The following RAD17 variants were observed in gnomAD, a reference collection of about 807,000 sequenced individuals.
RAD17 encodes the protein RAD17 checkpoint clamp loader component.
Under a neutral mutation model 81.5 loss-of-function variants are expected in RAD17, and 31 were observed. The observed-to-expected ratio is 0.38, with a 90% CI of 0.29 to 0.51. RAD17 has a LOEUF of 0.51. RAD17 is among the 20% of genes least tolerant of loss of function. The probability of loss-of-function intolerance (pLI) is 0.88; values close to 1 mark genes in which losing one functional copy is unlikely to be tolerated. For synonymous variants in RAD17, 261 were observed against 266.2 expected, an observed-to-expected ratio of 0.98 and a Z score of 0.19; for missense variants, 681 against 781.2, an observed-to-expected ratio of 0.87 and a Z score of 1.53.
At chr5:69,373,716 TA>T (rs35063361) in intron 4 of RAD17, 113 bp from the exon 5 acceptor site, 28 of 165,114 alleles carry the variant, frequency 1.7e-4, no homozygotes, top group South Asian at 6.3e-4. Context: ...TTTTTTTTTT[TA>T]AGTTTTAAAG....
chr5:69,372,634 CAG>C (rs1472258000), intron 4 of RAD17, among the ~76,000 whole-genome samples: 1 of 151,466 alleles, frequency 6.6e-6, no homozygotes, highest in African/African-American at 2.4e-5. Flanking sequence ...TTTTTTGAGA[CAG>C]GGTCTCACTC....
At chr5:69,407,711 G>T (rs1216518515) in intron 17 of RAD17, among the ~76,000 whole-genome samples, 1 of 151,846 alleles carries the variant, frequency 6.6e-6, no homozygotes, top group Non-Finnish European at 1.5e-5. Context: ...TGAGTAGCTG[G>T]GAATACAGGC....
At chr5:69,377,471 A>ATG (rs1763444724) in intron 6 of RAD17, among the ~76,000 whole-genome samples, 22 of 5,698 alleles carry the variant, frequency 3.9e-3, no homozygotes, top group Admixed American at 7.6e-3. Flanking sequence ...ATATATATAT[A>ATG]TATACACACA....
At chr5:69,404,182 C>A (rs750348407) in intron 17 of RAD17, among the ~76,000 whole-genome samples, 4 of 152,068 alleles carry the variant, frequency 2.6e-5, no homozygotes, top group South Asian at 2.1e-4. Context: ...CATCTCTAAG[C>A]TGTTCATATC....
chr5:69,386,361 A>C, intron 10 of RAD17, 35 bp from the exon 11 acceptor site: 1 of 1,580,304 alleles, frequency 6.3e-7, no homozygotes, highest in Non-Finnish European at 8.6e-7. Flanking sequence ...TTTTAAATTA[A>C]TCATTTAACT....
At chr5:69,407,872 C>G (rs1765728528) in intron 17 of RAD17, among the ~76,000 whole-genome samples, 1 of 152,172 alleles carries the variant, frequency 6.6e-6, no homozygotes. Flanking sequence ...TTTGATGATA[C>G]TTCTGGTTCA....
intron 6 of RAD17, among the ~76,000 whole-genome samples, chr5:69,376,762 C>CTTT (rs78888225): frequency 6.7e-6 from 1 of 148,746 alleles, no homozygotes; most frequent in Non-Finnish European, 1.5e-5. Flanking sequence ...ATCCTTCTCT[C>CTTT]TTTTTTTTTT....
At chr5:69,412,786 C>T (rs934049799) in intron 18 of RAD17, among the ~76,000 whole-genome samples, 3 of 151,846 alleles carry the variant, frequency 2.0e-5, no homozygotes, top group African/African-American at 4.8e-5. Flanking sequence ...GTCAGGAGTT[C>T]GAGACCAGCC....
chr5:69,373,708 T>TAG, intron 4 of RAD17, 122 bp from the exon 5 acceptor site: 1 of 555,452 alleles, frequency 1.8e-6, no homozygotes, highest in Non-Finnish European at 2.6e-6. Flanking sequence ...TTTTTTTTTT[T>TAG]TTTTTTTTAA....
upstream of RAD17, chr5:69,369,754 A>G (rs535972848): frequency 6.1e-5 from 92 of 1,508,270 alleles, 3 homozygotes; most frequent in South Asian, 9.5e-4. Context: ...CCTAAGTCAC[A>G]CACTCCTTCG....
chr5:69,386,980 A>G lies in RAD17; in HGVS notation c.894+515A>G, dbSNP rs948372756. 4.1e-5 allele frequency among the ~76,000 whole-genome samples: 6 copies of G among 147,894 alleles called. No homozygotes were observed. The Admixed American group carries it at 4.1e-4, about 10-fold the overall frequency. ...CACTCTGTTGCTCAGGCTGGACTGC[A>G]GTGGCATAATCATGGCTCACTGCAG... On this transcript the variant is annotated intron_variant, in intron 11 of 18. Transcript: ENST00000354868.
chr5:69,373,830 G>A lies in RAD17; in HGVS notation c.10G>A (p.Val4Ile). The A allele has an allele frequency of 1.3e-6, 2 of 1,590,822 alleles. No individual in the cohort carries two copies. The highest frequency in any genetic ancestry group is 1.7e-6 in the Non-Finnish European group (2 of 1,171,884). Reference protein sequence around the residue: MNQVTDWVDPSFDD... With the variant: MNQITDWVDPSFDD... ...TTTACATGATTTCTTTTTTTTTCAG[G>A]TAACAGACTGGGTTGACCCATCATT... Residue 4 changes from valine (V) to isoleucine (I), a missense_variant and splice_region_variant, in exon 5 of 19, where the codon GTA becomes ATA. Val to Ile is a conservative substitution (Grantham distance 29). Transcript: ENST00000354868.
chr5:69,380,183 CT>C (rs547562791), intron 6 of RAD17, among the ~76,000 whole-genome samples: 9 of 149,778 alleles, frequency 6.0e-5, no homozygotes, highest in East Asian at 3.9e-4. Context: ...GCCCGGCCAA[CT>C]TTTTTTTTTA....
Position 69,386,209 on chromosome 5 carries a change from T to C in RAD17, c.728T>C (p.Leu243Pro). 1 of 1,607,660 alleles carries C rather than the reference T, an allele frequency of 6.2e-7. No homozygotes were observed. Among genetic ancestry groups the C allele is most frequent in the Non-Finnish European group, 8.5e-7 (1 of 1,176,474 alleles). Reference protein sequence around the residue: ...RKYVRIGRCPLIFIISDSLSG... With the variant: ...RKYVRIGRCPPIFIISDSLSG... ...TATGTGAGGATTGGTCGATGTCCTC[T>C]TATATTTATAATCTCGGACAGTCTC... Residue 243 changes from leucine (L) to proline (P), a missense_variant, in exon 10 of 19, where the codon CTT becomes CCT. Coordinates refer to ENST00000354868, the MANE Select transcript of RAD17 (RefSeq NM_133338.3).
At chr5:69,384,565 C>T (rs554877584) in intron 7 of RAD17, among the ~76,000 whole-genome samples, 1 of 152,296 alleles carries the variant, frequency 6.6e-6, no homozygotes, top group South Asian at 2.1e-4. Context: ...ATCCACCTGC[C>T]TCGGCCTCCC....
intron 4 of RAD17, 120 bp from the exon 5 acceptor site, chr5:69,373,710 T>TAGTTTTAAAGGTTATAAATATATGAATA: frequency 2.0e-6 from 1 of 495,418 alleles, no homozygotes; most frequent in Non-Finnish European, 2.9e-6. Flanking sequence ...TTTTTTTTTT[T>TAGTTTTAAAGGTTATAAATATATGAATA]TTTTTTAAGT....
intron 6 of RAD17, among the ~76,000 whole-genome samples, chr5:69,376,744 G>A (rs926395731): frequency 2.8e-5 from 4 of 142,596 alleles, no homozygotes; most frequent in Non-Finnish European, 6.1e-5. Context: ...TTGCTTTGAT[G>A]GTAACAGATC....
intron 18 of RAD17, among the ~76,000 whole-genome samples, chr5:69,412,477 C>T (rs1251182538): frequency 6.6e-6 from 1 of 152,072 alleles, no homozygotes; most frequent in Non-Finnish European, 1.5e-5. Flanking sequence ...ATAGATAAGT[C>T]ATCATGCACT....
At chr5:69,379,487 C>G (rs562358173) in intron 6 of RAD17, among the ~76,000 whole-genome samples, 1 of 152,012 alleles carries the variant, frequency 6.6e-6, no homozygotes, top group Non-Finnish European at 1.5e-5. Flanking sequence ...CTTACTGGAA[C>G]TTTTTGTAAA....
Sources: allele counts gnomAD v4.1 joint callset (sites outside exome capture counted in the v4.1 genomes callset), GRCh38; gene constraint gnomAD v4.1.1; transcripts MANE v1.5; gene names NCBI Gene and HGNC (gene_info 2026-07-23, HGNC 2026-07-21).